TNS3: variants seen among roughly 807,000 people sequenced by gnomAD.
TNS3 encodes the protein tensin 3.
In TNS3, 45 loss-of-function variants were observed where a neutral mutation model predicts 140.9. That is an observed-to-expected ratio of 0.32 (90% confidence interval 0.25 to 0.41). The LOEUF (loss-of-function observed/expected upper bound fraction) is 0.41. Ranked by LOEUF, TNS3 falls within the 10% of genes least tolerant of loss-of-function variation. The pLI is 1.00. For missense variants in TNS3, 1,716 were observed against 1,906.7 expected, an observed-to-expected ratio of 0.90 and a Z score of 1.86; for synonymous variants, 815 against 788.4, an observed-to-expected ratio of 1.03 and a Z score of -0.56.
intron 4 of TNS3, among the ~76,000 whole-genome samples, chr7:47,472,770 C>A (rs1236385773): frequency 6.6e-6 from 1 of 152,216 alleles, no homozygotes; most frequent in Non-Finnish European, 1.5e-5. Flanking sequence ...TCTGCACTTG[C>A]TCCAAAGCAA....
chr7:47,351,916 A>C (rs1789697331), intron 17 of TNS3, among the ~76,000 whole-genome samples: 1 of 152,114 alleles, frequency 6.6e-6, no homozygotes, highest in Non-Finnish European at 1.5e-5. Context: ...ACTCACATGC[A>C]CACAGTCAAA....
intron 1 of TNS3, among the ~76,000 whole-genome samples, chr7:47,540,167 AAGGTTCTTCCCAGGAACAAAACG>A (rs1338231692): frequency 3.4e-4 from 52 of 151,940 alleles, no homozygotes; most frequent in Non-Finnish European, 6.9e-4. Context: ...GGAACAAAAC[AAGGTTCTTCCCAGGAACAAAACG>A]AGGTTCTTCC....
chr7:47,284,600 A>T (rs766394297), intron 27 of TNS3, among the ~76,000 whole-genome samples: 1 of 152,194 alleles, frequency 6.6e-6, no homozygotes, highest in Non-Finnish European at 1.5e-5. Flanking sequence ...AGGTGTTCCA[A>T]GACATCCAGC....
chr7:47,542,088 G>A (rs1050900150), intron 1 of TNS3, among the ~76,000 whole-genome samples: 2 of 152,130 alleles, frequency 1.3e-5, no homozygotes, highest in African/African-American at 4.8e-5. Context: ...GCAGTGGAGA[G>A]ACAGAATCTA....
intron 16 of TNS3, among the ~76,000 whole-genome samples, chr7:47,380,042 G>T (rs1791652407): frequency 6.6e-6 from 1 of 152,270 alleles, no homozygotes; most frequent in South Asian, 2.1e-4. Context: ...TCCCACTGCA[G>T]AGCAGGAGCG....
chr7:47,302,644 T>C (rs1328419562), intron 22 of TNS3, among the ~76,000 whole-genome samples: 1 of 152,224 alleles, frequency 6.6e-6, no homozygotes, highest in Admixed American at 6.5e-5. Context: ...AAGGAATTTG[T>C]TATTTACAAA....
At chr7:47,509,932 G>A (rs1798549106) in intron 2 of TNS3, among the ~76,000 whole-genome samples, 1 of 152,202 alleles carries the variant, frequency 6.6e-6, no homozygotes, top group Admixed American at 6.5e-5. Context: ...CAGCGTCTCT[G>A]TTGTGCATGA....
intron 13 of TNS3, among the ~76,000 whole-genome samples, chr7:47,401,465 GAGGA>G (rs918057765): frequency 4.6e-5 from 7 of 152,232 alleles, no homozygotes; most frequent in African/African-American, 1.4e-4. Context: ...TACAAAGAAG[GAGGA>G]AGGGAGAGAG....
At chr7:47,352,071 ACT>A (rs1051935188) in intron 17 of TNS3, among the ~76,000 whole-genome samples, 18 of 148,556 alleles carry the variant, frequency 1.2e-4, no homozygotes, top group Non-Finnish European at 2.4e-4. Context: ...TTGCACACAC[ACT>A]CTTACACCCA....
chr7:47,532,464 C>T (rs1478696425), intron 1 of TNS3, among the ~76,000 whole-genome samples: 1 of 152,106 alleles, frequency 6.6e-6, no homozygotes, highest in Admixed American at 6.5e-5. Flanking sequence ...GAGGAGCTAC[C>T]CTCTCTGCCG....
At chr7:47,310,084 C>T (rs536845664) in intron 20 of TNS3, among the ~76,000 whole-genome samples, 3 of 152,212 alleles carry the variant, frequency 2.0e-5, no homozygotes, top group African/African-American at 7.2e-5. Flanking sequence ...CTGGGGAGAC[C>T]AAGTTTGGAG....
intron 1 of TNS3, among the ~76,000 whole-genome samples, chr7:47,549,094 C>T (rs1799995583): frequency 6.6e-6 from 1 of 152,226 alleles, no homozygotes; most frequent in African/African-American, 2.4e-5. Context: ...TGTGCATCCA[C>T]AGGCCAACCA....
chr7:47,408,328 C>T (rs538359049), intron 13 of TNS3, among the ~76,000 whole-genome samples: 61 of 152,320 alleles, frequency 4.0e-4, no homozygotes, highest in African/African-American at 1.4e-3. Flanking sequence ...ACCCACACCG[C>T]CCACTCAAAG....
intron 17 of TNS3, among the ~76,000 whole-genome samples, chr7:47,354,371 A>G (rs1377610043): frequency 6.6e-6 from 1 of 151,442 alleles, no homozygotes; most frequent in African/African-American, 2.4e-5. Flanking sequence ...TCCCCAACGT[A>G]CCCCTTCTCA....
chr7:47,372,477 C>T (rs918407718), intron 16 of TNS3, among the ~76,000 whole-genome samples: 2 of 152,124 alleles, frequency 1.3e-5, no homozygotes, highest in East Asian at 3.9e-4. Context: ...CTCCCTGCCC[C>T]GTATGCTAAG....
chr7:47,325,661 G>C (rs1220200373), intron 20 of TNS3, among the ~76,000 whole-genome samples: 1 of 152,130 alleles, frequency 6.6e-6, no homozygotes, highest in African/African-American at 2.4e-5. Flanking sequence ...CTCCTGATAG[G>C]AGGGAGAGGC....
intron 1 of TNS3, among the ~76,000 whole-genome samples, chr7:47,578,028 A>C (rs1360820364): frequency 2.0e-5 from 3 of 152,038 alleles, no homozygotes; most frequent in African/African-American, 7.2e-5. Context: ...AAAAAAAAAA[A>C]ATCGGCCGGG....
At chr7:47,452,149 G>C (rs768949994) in intron 4 of TNS3, among the ~76,000 whole-genome samples, 4 of 152,188 alleles carry the variant, frequency 2.6e-5, no homozygotes, top group Non-Finnish European at 5.9e-5. Context: ...TCTGTGTCAG[G>C]CCTCTGTGAG....
intron 3 of TNS3, among the ~76,000 whole-genome samples, chr7:47,485,096 C>G (rs1376787184): frequency 6.6e-6 from 1 of 152,194 alleles, no homozygotes; most frequent in Non-Finnish European, 1.5e-5. Context: ...GCCAGCATGG[C>G]TGGGATGTGT....
Sources: gnomAD v4.1 joint callset for allele counts (sites outside exome capture counted in the v4.1 genomes callset) on GRCh38, gnomAD v4.1.1 for gene constraint, MANE v1.5 for transcripts, NCBI Gene and HGNC (gene_info 2026-07-23, HGNC 2026-07-21) for gene names.